Variants in TMED3 observed in about 807,000 individuals in gnomAD.
TMED3 encodes transmembrane emp24 domain-containing protein 3.
Under a neutral mutation model 15.0 loss-of-function variants are expected in TMED3, and 9 were observed. The ratio of observed to expected loss-of-function variants is 0.60; its 90% CI spans 0.36 to 1.04. The LOEUF is 1.04. TMED3 is among the 50% of genes least tolerant of loss of function. The pLI is 0.01. For synonymous variants in TMED3, 117 were observed against 121.4 expected, an observed-to-expected ratio of 0.96 and a Z score of 0.24; for missense variants, 267 against 278.9, an observed-to-expected ratio of 0.96 and a Z score of 0.30.
intron 2 of TMED3, among the ~76,000 whole-genome samples, chr15:79,387,503 C>T (rs975759572): frequency 1.9e-4 from 29 of 152,222 alleles, no homozygotes; most frequent in Middle Eastern, 3.4e-3. Context: ...TTGTCACTTT[C>T]ATGGGTGTCT....
intron 2 of TMED3, among the ~76,000 whole-genome samples, chr15:79,357,464 CAAAAAAAAAAA>C (rs59897659): frequency 1.1e-5 from 1 of 87,702 alleles, no homozygotes; most frequent in African/African-American, 4.2e-5. Flanking sequence ...CACCCTGCCT[CAAAAAAAAAAA>C]AAAAAAAAAA....
intron 2 of TMED3, among the ~76,000 whole-genome samples, chr15:79,363,503 C>CAAAAA (rs10676974): frequency 4.0e-5 from 5 of 125,330 alleles, no homozygotes; most frequent in Non-Finnish European, 8.3e-5. Context: ...TACAATGACT[C>CAAAAA]AAAAAAAAAA....
chr15:79,325,713 C>G (rs2058784771), downstream of TMED3, among the ~76,000 whole-genome samples: 1 of 152,138 alleles, frequency 6.6e-6, no homozygotes, highest in African/African-American at 2.4e-5. Flanking sequence ...AACAGTGCAG[C>G]CTTCAGTCTG....
At chr15:79,367,318 C>A (rs16970883) in intron 2 of TMED3, among the ~76,000 whole-genome samples, 2 of 150,112 alleles carry the variant, frequency 1.3e-5, no homozygotes, top group East Asian at 2.0e-4. Context: ...GAAGTCTTCT[C>A]ACCTGGTGCA....
At chr15:79,361,813 C>A (rs1893132393) in intron 2 of TMED3, among the ~76,000 whole-genome samples, 3 of 152,096 alleles carry the variant, frequency 2.0e-5, no homozygotes. Flanking sequence ...TCAAGAGAAT[C>A]AAGTAAGCAA....
chr15:79,392,960 C>T (rs867561532), intron 2 of TMED3, among the ~76,000 whole-genome samples: 4 of 152,204 alleles, frequency 2.6e-5, no homozygotes, highest in African/African-American at 7.2e-5. Flanking sequence ...CTTTATCCTT[C>T]TGGCTTCAGG....
At chr15:79,368,797 C>G (rs1156918010) in intron 2 of TMED3, among the ~76,000 whole-genome samples, 1 of 151,948 alleles carries the variant, frequency 6.6e-6, no homozygotes, top group Admixed American at 6.6e-5. Context: ...TTTAGAAATG[C>G]AAATATAAGG....
At chr15:79,386,368 C>T (rs974991734) in intron 2 of TMED3, among the ~76,000 whole-genome samples, 4 of 152,156 alleles carry the variant, frequency 2.6e-5, no homozygotes, top group African/African-American at 7.2e-5. Flanking sequence ...GCACTCTCCT[C>T]ATCTCTACCT....
chr15:79,360,360 C>T (rs146064292), intron 2 of TMED3, among the ~76,000 whole-genome samples: 11 of 152,232 alleles, frequency 7.2e-5, no homozygotes, highest in Admixed American at 2.6e-4. Flanking sequence ...GTCATGCCAT[C>T]GAGGAACCAG....
intron 2 of TMED3, among the ~76,000 whole-genome samples, chr15:79,359,230 G>GTTTT (rs5813967): frequency 4.9e-5 from 6 of 122,416 alleles, no homozygotes; most frequent in Non-Finnish European, 6.8e-5. Context: ...AGAAGGCTCA[G>GTTTT]TTTTTTTTTT....
chr15:79,311,839 T>C (rs1358248627), intron 1 of TMED3, among the ~76,000 whole-genome samples: 1 of 152,114 alleles, frequency 6.6e-6, no homozygotes, highest in Non-Finnish European at 1.5e-5. Context: ...AGTGGGCTCA[T>C]AGTTTTAGTT....
chr15:79,412,203 C>G (rs1254551153), exon 3 of TMED3: 1 of 152,350 alleles, frequency 6.6e-6, no homozygotes, highest in African/African-American at 2.4e-5. Flanking sequence ...TCCGCTGGGC[C>G]CATGGCCATC....
intron 2 of TMED3, among the ~76,000 whole-genome samples, chr15:79,355,353 G>A (rs2058914706): frequency 6.6e-6 from 1 of 152,158 alleles, no homozygotes; most frequent in African/African-American, 2.4e-5. Flanking sequence ...CCCAGCACAG[G>A]AGGGTCATTT....
At chr15:79,351,936 A>G (rs1158243752) in intron 2 of TMED3, among the ~76,000 whole-genome samples, 1 of 152,172 alleles carries the variant, frequency 6.6e-6, no homozygotes, top group African/African-American at 2.4e-5. Context: ...ACTGAATTGG[A>G]GACCATTATT....
chr15:79,324,314 T>TA (rs1276587908), downstream of TMED3, among the ~76,000 whole-genome samples: 12 of 152,200 alleles, frequency 7.9e-5, no homozygotes, highest in Non-Finnish European at 1.8e-4. Context: ...TTTTAACACT[T>TA]AAGCTTTACA....
At chr15:79,364,391 TCTGCC>T (rs1017148090) in intron 2 of TMED3, among the ~76,000 whole-genome samples, 1 of 152,000 alleles carries the variant, frequency 6.6e-6, no homozygotes, top group African/African-American at 2.4e-5. Flanking sequence ...TTCTTTACTG[TCTGCC>T]TAAAGCAAGC....
At chr15:79,393,871 A>AT (rs976151511) in intron 2 of TMED3, among the ~76,000 whole-genome samples, 15 of 152,044 alleles carry the variant, frequency 9.9e-5, no homozygotes, top group African/African-American at 3.4e-4. Flanking sequence ...AATTTTTTAA[A>AT]TTTTTTGTAG....
At position 79,311,362 on chromosome 15, in the gene TMED3, A is replaced by G. The variant is rs370622508; in HGVS notation, c.113A>G (p.Lys38Arg). The part of the protein sequence containing the change: ...ELTFELPDNA[K>R]QCFHEEVEQG... ...ACCTTCGAGCTGCCGGACAACGCCA[A>G]GCAGTGCTTCCACGAGGAGGTGGAG... Residue 38 changes from lysine to arginine, a missense_variant, in exon 1 of 3, where the codon AAG becomes AGG. By Grantham distance (26) the Lys-to-Arg change is conservative. Coordinates refer to ENST00000299705, the MANE Select transcript of TMED3 (RefSeq NM_007364.4). 1.9e-6 allele frequency: 3 copies of G among 1,612,176 alleles called. No homozygotes were observed. Among genetic ancestry groups the G allele is most frequent in the Non-Finnish European group, 2.5e-6 (3 of 1,179,554 alleles).
intron 2 of TMED3, among the ~76,000 whole-genome samples, chr15:79,342,162 T>C (rs2058854024): frequency 6.6e-6 from 1 of 152,128 alleles, no homozygotes; most frequent in Non-Finnish European, 1.5e-5. Context: ...GCAATAAAGA[T>C]AGGATAAAAG....
Sources: allele counts gnomAD v4.1 joint callset (sites outside exome capture counted in the v4.1 genomes callset), GRCh38; gene constraint gnomAD v4.1.1; transcripts MANE v1.5; gene names NCBI Gene and HGNC (gene_info 2026-07-23, HGNC 2026-07-21).